RGS20: variants seen among roughly 807,000 people sequenced by gnomAD.
RGS20 encodes the protein regulator of G protein signaling 20.
A neutral mutation model predicts 33.6 loss-of-function variants in RGS20; 30 were observed. That is an observed-to-expected ratio of 0.89 (90% confidence interval 0.67 to 1.21). The LOEUF is 1.21. Among genes scored for constraint, RGS20 ranks in the 50% most tolerant of loss-of-function variants. The pLI, the probability that RGS20 is intolerant of heterozygous loss-of-function variation, is 0.00. For missense variants in RGS20, 472 were observed against 502.4 expected, an observed-to-expected ratio of 0.94 and a Z score of 0.58; for synonymous variants, 208 against 197.9, an observed-to-expected ratio of 1.05 and a Z score of -0.43.
At chr8:53,941,554 A>G (rs1225351279) in intron 3 of RGS20, among the ~76,000 whole-genome samples, 1 of 152,246 alleles carries the variant, frequency 6.6e-6, no homozygotes, top group Non-Finnish European at 1.5e-5. Context: ...GTGAAACCAA[A>G]GCTGTAAACA....
intron 2 of RGS20, among the ~76,000 whole-genome samples, chr8:53,910,964 AACAT>A (rs1008537589): frequency 3.3e-5 from 5 of 152,214 alleles, no homozygotes; most frequent in Non-Finnish European, 5.9e-5. Context: ...AATGTAAAGA[AACAT>A]ACAAACTAGT....
chr8:53,951,297 C>G (rs1173502382), intron 4 of RGS20, among the ~76,000 whole-genome samples: 2 of 152,042 alleles, frequency 1.3e-5, no homozygotes, highest in Non-Finnish European at 2.9e-5. Context: ...CCAGCCTGAG[C>G]AACATGACAA....
chr8:53,925,161 T>C (rs1813758212), intron 2 of RGS20, among the ~76,000 whole-genome samples: 1 of 152,182 alleles, frequency 6.6e-6, no homozygotes, highest in Non-Finnish European at 1.5e-5. Flanking sequence ...TGAACTCAAC[T>C]ACATGTTTTT....
In RGS20 at chr8:53,947,311, G is replaced by GCA. The variant is rs1563429285; in HGVS notation, c.743+563_743+564insCA. Among the ~76,000 whole-genome samples the GCA allele has an allele frequency of 5.1e-3, 695 of 136,980 alleles. 6 individuals are homozygous for GCA. Among genetic ancestry groups the GCA allele is most frequent in the African/African-American group, 0.018 (659 of 36,494 alleles). The allele number at this position is 136,980 out of a possible 152,430, so 89.9% of individuals were successfully genotyped here. A position where few individuals can be genotyped will look rare whatever the true frequency, so the allele number is the denominator to read the frequency against. On this transcript the variant is annotated intron_variant, in intron 4 of 5. Transcript: ENST00000297313. ...ATTTATACATGCTATATAAGATATAGTATATATATTATATATGCTATATAT... is the reference window on the plus strand; with the variant it reads ...ATTTATACATGCTATATAAGATATAGCATATATATATTATATATGCTATATAT...
chr8:53,942,338 G>A (rs1397636461), intron 3 of RGS20, among the ~76,000 whole-genome samples: 1 of 151,784 alleles, frequency 6.6e-6, no homozygotes, highest in Admixed American at 6.6e-5. Flanking sequence ...CACACCTGTA[G>A]TCCCAGCTAC....
intron 1 of RGS20, among the ~76,000 whole-genome samples, chr8:53,852,717 T>C (rs1460887382): frequency 1.3e-5 from 2 of 152,222 alleles, no homozygotes; most frequent in Non-Finnish European, 2.9e-5. Flanking sequence ...GCATAGAATA[T>C]GGACATGTGT....
chr8:53,872,455 CCATGAGAGCAGGT>C (rs1197790391), intron 1 of RGS20, among the ~76,000 whole-genome samples: 28 of 152,320 alleles, frequency 1.8e-4, no homozygotes. Context: ...ATTCACCACA[CCATGAGAGCAGGT>C]CATGCTCTTT....
At chr8:53,887,502 G>A (rs913151627) in intron 2 of RGS20, among the ~76,000 whole-genome samples, 2 of 152,192 alleles carry the variant, frequency 1.3e-5, no homozygotes, top group Non-Finnish European at 2.9e-5. Flanking sequence ...TCCACCTGAG[G>A]TTGAGGGAAA....
chr8:53,923,744 C>T (rs564513203), intron 2 of RGS20, among the ~76,000 whole-genome samples: 1 of 152,320 alleles, frequency 6.6e-6, no homozygotes, highest in South Asian at 2.1e-4. Context: ...CTTTTTATCT[C>T]TTAGTCTTTC....
At chr8:53,901,912 A>G (rs900183234) in intron 2 of RGS20, among the ~76,000 whole-genome samples, 8 of 152,226 alleles carry the variant, frequency 5.3e-5, no homozygotes, top group South Asian at 2.1e-4. Flanking sequence ...GCAGTTGCCA[A>G]CATCATTGGT....
chr8:53,907,173 C>T (rs1813203932), intron 2 of RGS20, among the ~76,000 whole-genome samples: 1 of 152,108 alleles, frequency 6.6e-6, no homozygotes, highest in Non-Finnish European at 1.5e-5. Flanking sequence ...CACACTGGTC[C>T]CATTCTTCCT....
At chr8:53,880,923 A>G in intron 2 of RGS20, 3 of 1,546,608 alleles carry the variant, frequency 1.9e-6, no homozygotes, top group South Asian at 1.2e-5. Flanking sequence ...AAAGACCGAG[A>G]GCCGGAGAAA....
In RGS20 at chr8:53,915,306, C is replaced by T. The variant is rs144815834; in HGVS notation, c.511-24270C>T. On this transcript the variant is annotated intron_variant, in intron 2 of 5. Transcript: ENST00000297313. The stretch of plus-strand genomic sequence containing the variant: ...GTTCCTCTCTGCTTTCTCTCCTTTC[C>T]GAGCTCTGCTGCCTTGGATGCAGCA... Among the ~76,000 whole-genome samples the T allele has an allele frequency of 7.2e-5, 11 of 152,238 alleles. No homozygotes were observed. The East Asian group carries it at 9.7e-4, about 13-fold the overall frequency.
chr8:53,905,267 A>T (rs1456107426), intron 2 of RGS20, among the ~76,000 whole-genome samples: 1 of 152,262 alleles, frequency 6.6e-6, no homozygotes, highest in Non-Finnish European at 1.5e-5. Flanking sequence ...TAAAACCAAA[A>T]GACAGAAATT....
At position 53,948,398 on chromosome 8, in the gene RGS20, A is replaced by ACACAG. The variant is rs1491300679; in HGVS notation, c.743+1650_743+1651insCACAG. On this transcript the variant is annotated intron_variant, in intron 4 of 5. Transcript: ENST00000297313. Reference sequence around the variant, plus strand: ...TATATTTATATATGCTATATATAAGATACAGTATATATTTACATATGCTAT... The same window carrying ACACAG: ...TATATTTATATATGCTATATATAAGACACAGTACAGTATATATTTACATATGCTAT... 3.5e-4 allele frequency among the ~76,000 whole-genome samples: 50 copies of ACACAG among 142,460 alleles called. 2 individuals carry two copies. Among genetic ancestry groups the ACACAG allele is most frequent in the East Asian group, 1.0e-3 (5 of 4,782 alleles). The allele number at this position is 142,460 out of a possible 152,430, so 93.5% of individuals were successfully genotyped here. A position where few individuals can be genotyped will look rare whatever the true frequency, so the allele number is the denominator to read the frequency against.
intron 5 of RGS20, among the ~76,000 whole-genome samples, chr8:53,956,820 GCAAGGTTTTTCAT>G (rs1255276873): frequency 6.6e-6 from 1 of 151,730 alleles, no homozygotes; most frequent in Non-Finnish European, 1.5e-5. Flanking sequence ...TTTTTTTAAG[GCAAGGTTTTTCAT>G]CAATCTTTTA....
intron 2 of RGS20, among the ~76,000 whole-genome samples, chr8:53,938,783 A>G (rs1814206002): frequency 6.6e-6 from 1 of 152,126 alleles, no homozygotes; most frequent in Admixed American, 6.5e-5. Flanking sequence ...TGCTGCTTTT[A>G]TATCTCTCTT....
chr8:53,937,291 TAATAAATA>T (rs1554523940), intron 2 of RGS20, among the ~76,000 whole-genome samples: 2 of 151,248 alleles, frequency 1.3e-5, no homozygotes, highest in South Asian at 2.1e-4. Flanking sequence ...TAAAGTATAA[TAATAAATA>T]AATAAATAAA....
intron 3 of RGS20, among the ~76,000 whole-genome samples, chr8:53,944,394 T>C (rs1044244327): frequency 1.5e-4 from 23 of 152,082 alleles, no homozygotes; most frequent in African/African-American, 5.3e-4. Flanking sequence ...AAAAATTAGC[T>C]GGGTGTGGTG....
Sources: gnomAD v4.1 joint callset for allele counts (sites outside exome capture counted in the v4.1 genomes callset) on GRCh38, gnomAD v4.1.1 for gene constraint, MANE v1.5 for transcripts, NCBI Gene and HGNC (gene_info 2026-07-23, HGNC 2026-07-21) for gene names.